The following CECR2 variants were observed in gnomAD, a reference collection of about 807,000 sequenced individuals.
CECR2 encodes the protein CECR2 histone acetyl-lysine reader, also known as chromatin remodeling regulator CECR2.
In CECR2, 30 loss-of-function variants were observed where a neutral mutation model predicts 154.5. That is an observed-to-expected ratio of 0.19 (90% CI 0.15 to 0.26). The LOEUF (loss-of-function observed/expected upper bound fraction) is 0.26. Ranked by LOEUF, CECR2 falls within the 10% of genes least tolerant of loss-of-function variation. The pLI, the probability that CECR2 is intolerant of heterozygous loss-of-function variation, is 1.00. For synonymous variants in CECR2, 725 were observed against 683.7 expected (o/e 1.06, Z -0.94); for missense variants, 1,743 against 1,829.3 (o/e 0.95, Z 0.86).
At chr22:17,453,187 G>A (rs5747168) in intron 1 of CECR2, among the ~76,000 whole-genome samples, 42,807 of 152,054 alleles carry the variant, frequency 0.28, 8,250 homozygotes, top group East Asian at 0.54. Flanking sequence ...TACGCCCGTA[G>A]TCCCAGAACT....
chr22:17,523,749 C>CT (rs1430617413), intron 8 of CECR2, among the ~76,000 whole-genome samples: 3 of 114,318 alleles, frequency 2.6e-5, no homozygotes, highest in Non-Finnish European at 5.1e-5. Flanking sequence ...GAGCGAGACT[C>CT]TATCTCAAAA....
Position 17,549,456 on chromosome 22 carries a change from A to T in CECR2, c.4169A>T (p.Tyr1390Phe), listed in dbSNP as rs1216993166. ...PNGLSQEGPI[Y>F]RCQEEGLGHF... ...GGCCTCTCTCAGGAGGGTCCCATCT[A>T]TCGCTGCCAGGAAGAAGGCCTGGGT... The change falls in exon 17 of 19, where the codon TAT becomes TTT. Residue 1390 changes from tyrosine to phenylalanine, a missense_variant. By Grantham distance (22) the Tyr-to-Phe change is conservative (BLOSUM62 3). Coordinates refer to ENST00000262608, the MANE Select transcript of CECR2 (RefSeq NM_001290047.2). 2 of 1,612,240 alleles carry T rather than the reference A, an allele frequency of 1.2e-6. No homozygotes were observed. The highest frequency in any genetic ancestry group is 4.5e-5 in the East Asian group (2 of 44,850).
intron 1 of CECR2, among the ~76,000 whole-genome samples, chr22:17,414,730 G>A (rs2054131255): frequency 6.6e-6 from 1 of 151,190 alleles, no homozygotes; most frequent in South Asian, 2.1e-4. Flanking sequence ...TGTTCTCATT[G>A]TTCATTTCCC....
chr22:17,482,761 C>CT (rs34165377), intron 2 of CECR2, among the ~76,000 whole-genome samples: 6,401 of 125,228 alleles, frequency 0.051, 331 homozygotes, highest in African/African-American at 0.12. Flanking sequence ...TTTTGAACTC[C>CT]TTTTTTTTTT....
intron 2 of CECR2, among the ~76,000 whole-genome samples, chr22:17,494,940 A>C (rs919843934): frequency 4.6e-5 from 7 of 151,818 alleles, no homozygotes; most frequent in Admixed American, 2.0e-4. Context: ...TGATCCGCCC[A>C]CCTCGGCCTC....
At chr22:17,506,617 C>T (rs534545974) in intron 7 of CECR2, among the ~76,000 whole-genome samples, 3 of 152,210 alleles carry the variant, frequency 2.0e-5, no homozygotes, top group East Asian at 3.9e-4. Flanking sequence ...TTAACAGCCA[C>T]GACACTTAAT....
chr22:17,460,768 G>T (rs1164097212), intron 1 of CECR2, among the ~76,000 whole-genome samples: 1 of 152,198 alleles, frequency 6.6e-6, no homozygotes, highest in African/African-American at 2.4e-5. Context: ...CTACACAGCT[G>T]CAGCCTATCT....
chr22:17,555,157 G>A lies in CECR2; in HGVS notation c.*2317G>A, dbSNP rs1234311977. The A allele has an allele frequency of 6.6e-6, 1 of 152,274 alleles. No homozygotes were observed. Among genetic ancestry groups the A allele is most frequent in the Non-Finnish European group, 1.5e-5 (1 of 68,126 alleles). 9.4% of individuals were successfully genotyped at this position (152,274 alleles called of 1,614,324 possible). On this transcript the variant is annotated 3_prime_UTR_variant, in exon 19 of 19. Transcript: ENST00000262608. ...GAGCAGTTGTGTGCACACTCTTCCA[G>A]GTAATCCTGTCTCCTCTCTCTCCCA...
chr22:17,420,368 A>G (rs1391678951), intron 1 of CECR2, among the ~76,000 whole-genome samples: 2 of 152,204 alleles, frequency 1.3e-5, no homozygotes, highest in Non-Finnish European at 2.9e-5. Context: ...TCTGAGTTCT[A>G]GACTGCTTTG....
intron 1 of CECR2, among the ~76,000 whole-genome samples, chr22:17,410,271 G>C (rs1354641210): frequency 6.6e-6 from 1 of 151,912 alleles, no homozygotes. Context: ...GAGCCACCGC[G>C]CCCGGCCCTG....
At chr22:17,469,255 C>T (rs2055081920) in intron 1 of CECR2, among the ~76,000 whole-genome samples, 1 of 152,006 alleles carries the variant, frequency 6.6e-6, no homozygotes, top group African/African-American at 2.4e-5. Context: ...GTGTTATGTG[C>T]TGACCTCACC....
At position 17,362,014 on chromosome 22, in the gene CECR2, C is replaced by CT. The variant is rs541606893; in HGVS notation, c.-364+1994dup. Among the ~76,000 whole-genome samples the CT allele has an allele frequency of 1.4e-3, 216 of 152,030 alleles. 1 individual carries two copies. The highest frequency in any genetic ancestry group is 5.1e-3 in the African/African-American group (211 of 41,486). ...TGGTTAGGGAATCCTCGCCTGGAGT[C>CT]TTTAAAAGCCAATAACTGATCATTT... On this transcript the variant is annotated intron_variant, in intron 1 of 18. Coordinates refer to the CECR2 transcript ENST00000400585.
chr22:17,370,221 C>T (rs2146433087), intron 1 of CECR2, among the ~76,000 whole-genome samples: 1 of 150,802 alleles, frequency 6.6e-6, no homozygotes, highest in East Asian at 2.0e-4. Flanking sequence ...CCCGGGACTT[C>T]TCCGGTGGGC....
chr22:17,438,933 G>A (rs150792867), intron 1 of CECR2, among the ~76,000 whole-genome samples: 2 of 152,142 alleles, frequency 1.3e-5, no homozygotes, highest in African/African-American at 4.8e-5. Flanking sequence ...CCACACTTTG[G>A]GGGAGGTCAA....
intron 1 of CECR2, among the ~76,000 whole-genome samples, chr22:17,388,562 G>A (rs2063291520): frequency 1.3e-5 from 2 of 152,180 alleles, no homozygotes; most frequent in South Asian, 2.1e-4. Flanking sequence ...TCCAGTGCGG[G>A]TTCTTGAGAG....
chr22:17,542,765 G>A lies in CECR2; in HGVS notation c.2622G>A (p.Gln874=). The A allele has an allele frequency of 6.2e-7, 1 of 1,613,996 alleles. No individual in the cohort carries two copies. ...CTGCCCAGGCTCTTCGGGGGGTGCA[G>A]GGAGGGGACTCCATGATGGACAGCC... ...GAPAQALRGV[Q]GGDSMMDSPE... is the part of the protein sequence containing the mutation. Residue 874 remains glutamine, a synonymous_variant, in exon 16 of 19, where the codon CAG becomes CAA. Transcript: ENST00000262608.
chr22:17,476,267 T>G (rs1312030494), intron 1 of CECR2, among the ~76,000 whole-genome samples: 1 of 151,546 alleles, frequency 6.6e-6, no homozygotes, highest in Non-Finnish European at 1.5e-5. Flanking sequence ...GATTGATTTG[T>G]GTTTTTTGTT....
At position 17,505,028 on chromosome 22, in the gene CECR2, TCTCTG is replaced by T; in HGVS notation, c.870+18_870+22del. On this transcript the variant is annotated intron_variant, in intron 7 of 18. Transcript: ENST00000262608. ...TGATCGCCCAGAAGGTGCGCCACAC[TCTCTG>T]CTCTGTCCTCCTCAGTGTTAGGCCT... 1.9e-6 allele frequency: 3 copies of T among 1,612,088 alleles called. No homozygotes were observed. The highest frequency in any genetic ancestry group is 2.5e-6 in the Non-Finnish European group (3 of 1,179,288).
intron 1 of CECR2, among the ~76,000 whole-genome samples, chr22:17,387,715 C>T (rs559492910): frequency 2.4e-4 from 37 of 152,256 alleles, no homozygotes; most frequent in African/African-American, 8.9e-4. Flanking sequence ...TGTTATATAA[C>T]AGAATGCCCT....
Sources: gnomAD v4.1 joint callset for allele counts (sites outside exome capture counted in the v4.1 genomes callset) on GRCh38, gnomAD v4.1.1 for gene constraint, MANE v1.5 for transcripts, NCBI Gene and HGNC (gene_info 2026-07-23, HGNC 2026-07-21) for gene names.